ELMO1: variants seen among roughly 807,000 people sequenced by gnomAD.
ELMO1 encodes the protein engulfment and cell motility 1.
A neutral mutation model predicts 98.9 loss-of-function variants in ELMO1; 26 were observed. The observed-to-expected ratio is 0.26, with a 90% CI of 0.19 to 0.36. ELMO1 has a LOEUF of 0.36. Ranked by LOEUF, ELMO1 falls within the 10% of genes least tolerant of loss-of-function variation. The probability of loss-of-function intolerance (pLI) is 1.00; values close to 1 mark genes in which losing one functional copy is unlikely to be tolerated. For missense variants in ELMO1, 627 were observed against 935.2 expected (o/e 0.67, Z 4.30); for synonymous variants, 346 against 346.0 (o/e 1.00, Z 0.00).
intron 14 of ELMO1, among the ~76,000 whole-genome samples, chr7:37,122,901 C>G (rs1038389242): frequency 6.6e-6 from 1 of 152,130 alleles, no homozygotes; most frequent in African/African-American, 2.4e-5. Flanking sequence ...CACTCCTCAG[C>G]AAATGTAAAA....
intron 1 of ELMO1, among the ~76,000 whole-genome samples, chr7:37,365,251 TG>T (rs34468070): frequency 0.51 from 76,788 of 151,938 alleles, 20,079 homozygotes; most frequent in East Asian, 0.88. Context: ...AAAAGGACAC[TG>T]GAAAATAAAA....
chr7:37,210,000 AAACT>A (rs1792862774), intron 13 of ELMO1, among the ~76,000 whole-genome samples: 1 of 152,252 alleles, frequency 6.6e-6, no homozygotes, highest in South Asian at 2.1e-4. Flanking sequence ...CGTCATATTA[AAACT>A]AACACTATAA....
intron 17 of ELMO1, among the ~76,000 whole-genome samples, chr7:36,888,444 C>G (rs542546610): frequency 5.3e-5 from 8 of 152,160 alleles, no homozygotes; most frequent in African/African-American, 1.9e-4. Context: ...TGAAGCTGGA[C>G]AGGGAGACCC....
At chr7:37,267,362 C>T (rs1389506733) in intron 5 of ELMO1, among the ~76,000 whole-genome samples, 1 of 152,188 alleles carries the variant, frequency 6.6e-6, no homozygotes, top group African/African-American at 2.4e-5. Flanking sequence ...ACTGCACTTA[C>T]CTAGTCCAAC....
chr7:36,951,386 A>G (rs1329745790), intron 16 of ELMO1, among the ~76,000 whole-genome samples: 1 of 152,216 alleles, frequency 6.6e-6, no homozygotes, highest in Non-Finnish European at 1.5e-5. Context: ...CAGTTCCTCA[A>G]AAAAGCCAAG....
At chr7:37,106,197 A>G (rs1422678880) in intron 14 of ELMO1, among the ~76,000 whole-genome samples, 3 of 152,142 alleles carry the variant, frequency 2.0e-5, no homozygotes, top group African/African-American at 7.2e-5. Context: ...TGCTGTTTAG[A>G]AGGAACACTG....
intron 16 of ELMO1, among the ~76,000 whole-genome samples, chr7:36,905,945 C>T (rs1158202167): frequency 6.6e-6 from 1 of 152,232 alleles, no homozygotes; most frequent in Non-Finnish European, 1.5e-5. Context: ...CTTAGAACTG[C>T]CAGCCTGTTT....
At position 37,412,205 on chromosome 7, in the gene ELMO1, C is replaced by T. The variant is rs549806854; in HGVS notation, c.-74+36470G>A. Among the ~76,000 whole-genome samples, 14 of 152,312 alleles carry T rather than the reference C, an allele frequency of 9.2e-5. No individual in the cohort carries two copies. In the South Asian group the frequency reaches 1.4e-3, roughly 16 times the overall value. ...TTTTGTTCTTTCTTCAAAGGAACAA[C>T]TGAACTCCAAAAGAAAAAAATCACA... On this transcript the variant is annotated intron_variant, in intron 1 of 21. Transcript: ENST00000310758.
chr7:37,276,565 T>G (rs1002180565), intron 4 of ELMO1, among the ~76,000 whole-genome samples: 3 of 152,160 alleles, frequency 2.0e-5, no homozygotes, highest in Non-Finnish European at 4.4e-5. Context: ...GAGCCGAGAT[T>G]ACGCCACTGC....
intron 16 of ELMO1, among the ~76,000 whole-genome samples, chr7:36,958,166 T>A (rs1252620511): frequency 1.3e-5 from 2 of 152,188 alleles, no homozygotes; most frequent in Non-Finnish European, 2.9e-5. Context: ...ATTATAATTA[T>A]AATCTCTCCT....
intron 13 of ELMO1, among the ~76,000 whole-genome samples, chr7:37,204,615 CT>C (rs975044010): frequency 6.6e-5 from 10 of 152,010 alleles, no homozygotes; most frequent in African/African-American, 2.2e-4. Flanking sequence ...AGGTGGCCTG[CT>C]TTTTTTTCCC....
chr7:37,164,534 C>G (rs1365253568), intron 13 of ELMO1, among the ~76,000 whole-genome samples: 2 of 152,182 alleles, frequency 1.3e-5, no homozygotes, highest in African/African-American at 4.8e-5. Context: ...AGGAAGGGAT[C>G]CAGTTTCAGC....
At chr7:37,292,884 T>C in intron 4 of ELMO1, among the ~76,000 whole-genome samples, 1 of 98,478 alleles carries the variant, frequency 1.0e-5, no homozygotes, top group South Asian at 3.6e-4. Context: ...GGAGCCCCTC[T>C]GCCCGGCCAG....
At chr7:37,065,680 A>C (rs1796919041) in intron 15 of ELMO1, among the ~76,000 whole-genome samples, 1 of 152,030 alleles carries the variant, frequency 6.6e-6, no homozygotes, top group African/African-American at 2.4e-5. Flanking sequence ...GTGCCAGTTT[A>C]TTTTCTCTGC....
At chr7:37,034,095 T>C (rs2129188164) in intron 15 of ELMO1, among the ~76,000 whole-genome samples, 1 of 152,336 alleles carries the variant, frequency 6.6e-6, no homozygotes, top group South Asian at 2.1e-4. Context: ...AAATGTGTAA[T>C]AACATGAGTT....
Position 37,115,195 on chromosome 7 carries a change from C to T in ELMO1, c.1191+17935G>A, listed in dbSNP as rs539842535. Reference sequence around the variant, plus strand: ...TTTAAACAAGAAAATGATACCAATTCTCTACAATCTGTTCCAGAAGGTAGA... The same window carrying T: ...TTTAAACAAGAAAATGATACCAATTTTCTACAATCTGTTCCAGAAGGTAGA... On this transcript the variant is annotated intron_variant, in intron 14 of 21. Transcript: ENST00000310758. 6.6e-5 allele frequency among the ~76,000 whole-genome samples: 10 copies of T among 152,298 alleles called. No homozygotes were observed. In the East Asian group the frequency reaches 1.9e-3, roughly 29 times the overall value.
At chr7:36,865,756 G>T (rs902327846) in intron 20 of ELMO1, among the ~76,000 whole-genome samples, 3 of 152,144 alleles carry the variant, frequency 2.0e-5, no homozygotes, top group African/African-American at 7.2e-5. Context: ...AATTGTAATT[G>T]CATATTTAAA....
chr7:37,013,462 G>GA, intron 15 of ELMO1, 27 bp from the exon 16 acceptor site: 1 of 1,611,744 alleles, frequency 6.2e-7, no homozygotes, highest in Non-Finnish European at 8.5e-7. Flanking sequence ...GAAAATAAGA[G>GA]AAAAAGTTTT....
At chr7:37,355,626 T>C (rs948372616) in intron 1 of ELMO1, among the ~76,000 whole-genome samples, 2 of 152,344 alleles carry the variant, frequency 1.3e-5, no homozygotes, top group African/African-American at 2.4e-5. Flanking sequence ...TCTGGAAGGA[T>C]TGACCTACAT....
Sources: allele counts gnomAD v4.1 joint callset (sites outside exome capture counted in the v4.1 genomes callset), GRCh38; gene constraint gnomAD v4.1.1; transcripts MANE v1.5; gene names NCBI Gene and HGNC (gene_info 2026-07-23, HGNC 2026-07-21).